SPATA13: variants seen among roughly 807,000 people sequenced by gnomAD.
The protein encoded by SPATA13 is spermatogenesis-associated protein 13.
In SPATA13, 50 loss-of-function variants were observed where a neutral mutation model predicts 104.0. The observed-to-expected ratio is 0.48, with a 90% CI of 0.38 to 0.61. SPATA13 has a LOEUF of 0.61. Ranked by LOEUF, SPATA13 falls within the 20% of genes least tolerant of loss-of-function variation. The pLI is 0.00. For missense variants in SPATA13, 1,524 were observed against 1,690.6 expected, an observed-to-expected ratio of 0.90 and a Z score of 1.73; for synonymous variants, 606 against 667.5, an observed-to-expected ratio of 0.91 and a Z score of 1.42.
chr13:24,189,568 C>T (rs1869387989), intron 1 of SPATA13, among the ~76,000 whole-genome samples: 2 of 126,946 alleles, frequency 1.6e-5, no homozygotes, highest in South Asian at 4.5e-4. Context: ...TTTAATATTA[C>T]ATACATACTA....
At position 24,290,458 on chromosome 13, in the gene SPATA13, C is replaced by T. The variant is rs370136008; in HGVS notation, c.2848-194C>T. Reference sequence around the variant, plus strand: ...GAGCCTGCTGAAGCACCCCTTCTCGCCGGCCAGATAACGCTTGCGGAAACC... The same window carrying T: ...GAGCCTGCTGAAGCACCCCTTCTCGTCGGCCAGATAACGCTTGCGGAAACC... On this transcript the variant is annotated intron_variant, in intron 8 of 12. Coordinates refer to ENST00000382108, the MANE Select transcript of SPATA13 (RefSeq NM_001166271.3). Among the ~76,000 whole-genome samples, 16 of 152,218 alleles carry T rather than the reference C, an allele frequency of 1.1e-4. No individual in the cohort carries two copies. In the East Asian group the frequency reaches 1.5e-3, roughly 15 times the overall value.
intron 1 of SPATA13, among the ~76,000 whole-genome samples, chr13:24,165,973 A>G (rs1008827882): frequency 1.3e-5 from 2 of 152,204 alleles, no homozygotes; most frequent in Non-Finnish European, 2.9e-5. Context: ...AAAGAAAAAT[A>G]GCCTCTGGTT....
intron 3 of SPATA13, among the ~76,000 whole-genome samples, chr13:24,128,268 T>A (rs11148985): frequency 2.1e-3 from 323 of 152,342 alleles, no homozygotes; most frequent in African/African-American, 7.4e-3. Flanking sequence ...AGGGGTGACC[T>A]ACACGTGGGA....
At chr13:24,028,302 A>G (rs905289214) in intron 3 of SPATA13, among the ~76,000 whole-genome samples, 2 of 152,190 alleles carry the variant, frequency 1.3e-5, no homozygotes, top group Non-Finnish European at 2.9e-5. Context: ...TAGAGAGGAT[A>G]TCTTGTTGGT....
chr13:24,084,106 A>G (rs1490629317), intron 3 of SPATA13, among the ~76,000 whole-genome samples: 1 of 152,124 alleles, frequency 6.6e-6, no homozygotes, highest in African/African-American at 2.4e-5. Flanking sequence ...AGAAAGAGAG[A>G]GCCGTGACTA....
At chr13:24,026,406 T>C (rs1877217642) in intron 3 of SPATA13, among the ~76,000 whole-genome samples, 1 of 152,072 alleles carries the variant, frequency 6.6e-6, no homozygotes, top group Non-Finnish European at 1.5e-5. Flanking sequence ...GATCCTCTCT[T>C]GTGTTCCAGA....
chr13:24,163,306 G>A (rs1056087529), intron 1 of SPATA13, among the ~76,000 whole-genome samples: 1 of 152,204 alleles, frequency 6.6e-6, no homozygotes, highest in Non-Finnish European at 1.5e-5. Flanking sequence ...GGAGGCTGAG[G>A]TGAGAGGATC....
chr13:24,108,660 A>AG (rs1555262072), intron 3 of SPATA13, among the ~76,000 whole-genome samples: 702 of 10,126 alleles, frequency 0.069, 24 homozygotes, highest in East Asian at 0.43. Context: ...TTTTCATGGT[A>AG]GGGGGGGGGA....
Position 24,070,904 on chromosome 13 carries a change from C to A in SPATA13, c.-112+53203C>A, listed in dbSNP as rs183306994. On this transcript the variant is annotated intron_variant, in intron 3 of 14. Transcript: ENST00000424834. Reference sequence around the variant, plus strand: ...TCAGACTGGAACTATGTCCTCAGCTCTCCCAGGTTTCCAGGCTGCCAACTC... The same window carrying A: ...TCAGACTGGAACTATGTCCTCAGCTATCCCAGGTTTCCAGGCTGCCAACTC... Among the ~76,000 whole-genome samples the A allele has an allele frequency of 2.8e-3, 427 of 152,314 alleles. 2 individuals carry two copies. The highest frequency in any genetic ancestry group is 4.6e-3 in the Admixed American group (70 of 15,298).
At chr13:24,140,257 C>T (rs899521965) in intron 3 of SPATA13, among the ~76,000 whole-genome samples, 1 of 152,048 alleles carries the variant, frequency 6.6e-6, no homozygotes, top group African/African-American at 2.4e-5. Context: ...ATATTCAAAT[C>T]ATTGTAATCT....
chr13:24,077,262 CAAAAAAAAAAA>C lies in SPATA13; in HGVS notation c.-112+59575_-112+59585del, dbSNP rs60810328. Among the ~76,000 whole-genome samples, 80 of 73,022 alleles carry C rather than the reference CAAAAAAAAAAA, an allele frequency of 1.1e-3. 2 individuals are homozygous for C. The Middle Eastern group carries it at 0.028, about 26-fold the overall frequency. 47.9% of individuals were successfully genotyped at this position (73,022 alleles called of 152,430 possible). A position where few individuals can be genotyped will look rare whatever the true frequency, so the allele number is the denominator to read the frequency against. ...CTGGCGACAGAGCGAGACTCCATGT[CAAAAAAAAAAA>C]AAAAAAAAAAAAAGAGCCCAGTCCA... On this transcript the variant is annotated intron_variant, in intron 3 of 14. Coordinates refer to the SPATA13 transcript ENST00000424834.
intron 1 of SPATA13, among the ~76,000 whole-genome samples, chr13:24,199,133 C>A (rs1202245295): frequency 1.3e-5 from 2 of 152,056 alleles, no homozygotes; most frequent in Non-Finnish European, 2.9e-5. Flanking sequence ...AAGCGATCCG[C>A]CCGTCTTGGC....
At position 24,269,768 on chromosome 13, in the gene SPATA13, T is replaced by TA. The variant is rs1222744877; in HGVS notation, c.2165-14366dup. Among the ~76,000 whole-genome samples, 244 of 124,148 alleles carry TA rather than the reference T, an allele frequency of 2.0e-3. 3 individuals are homozygous for TA. Among genetic ancestry groups the TA allele is most frequent in the Non-Finnish European group, 2.7e-3 (166 of 61,218 alleles). 81.4% of individuals were successfully genotyped at this position (124,148 alleles called of 152,430 possible). ...TTTTTTTTTTTTTTTTTTTTTTTTT[T>TA]AGTAGAGACAGGACCTTGCTATGTT... On this transcript the variant is annotated intron_variant, in intron 4 of 12. Transcript: ENST00000382108.
At chr13:24,036,879 G>A (rs140545971) in intron 3 of SPATA13, among the ~76,000 whole-genome samples, 79 of 151,966 alleles carry the variant, frequency 5.2e-4, no homozygotes, top group African/African-American at 1.8e-3. Flanking sequence ...GGGTTCAAGC[G>A]ATTCTCCGAC....
rs114189516 is a variant in SPATA13 at position 24,292,768 on chromosome 13, C to T, written c.3080+1884C>T. On this transcript the variant is annotated intron_variant, in intron 9 of 12. Transcript: ENST00000382108. ...ATCCCACCATTTTGGGAGGCCGAAA[C>T]GGGTGGATCACATGAGGTCAGGAGT... Among the ~76,000 whole-genome samples the T allele has an allele frequency of 4.9e-3, 750 of 152,018 alleles. 7 individuals are homozygous for T. The highest frequency in any genetic ancestry group is 0.017 in the African/African-American group (717 of 41,440).
intron 3 of SPATA13, among the ~76,000 whole-genome samples, chr13:24,116,780 C>G (rs73164074): frequency 0.16 from 24,727 of 150,780 alleles, 3,119 homozygotes; most frequent in African/African-American, 0.33. Flanking sequence ...CCCCCCCCCC[C>G]CAATGTGCTG....
chr13:24,091,337 C>G (rs1016190566), intron 3 of SPATA13, among the ~76,000 whole-genome samples: 1 of 152,208 alleles, frequency 6.6e-6, no homozygotes, highest in Non-Finnish European at 1.5e-5. Context: ...ATCTCATTCC[C>G]TAGTATTTCC....
chr13:24,143,541 A>G (rs1460582825), intron 3 of SPATA13, among the ~76,000 whole-genome samples: 1 of 152,240 alleles, frequency 6.6e-6, no homozygotes, highest in Non-Finnish European at 1.5e-5. Context: ...GCAGAAAAGA[A>G]AAATGTGTTT....
chr13:24,229,881 C>T (rs1872164558), intron 2 of SPATA13, among the ~76,000 whole-genome samples: 1 of 152,176 alleles, frequency 6.6e-6, no homozygotes, highest in South Asian at 2.1e-4. Context: ...ACACTTAAAA[C>T]ATAGGAGAAC....
Sources: allele counts gnomAD v4.1 joint callset (sites outside exome capture counted in the v4.1 genomes callset), GRCh38; gene constraint gnomAD v4.1.1; transcripts MANE v1.5; gene names NCBI Gene and HGNC (gene_info 2026-07-23, HGNC 2026-07-21).